The following TMPRSS12 variants were observed in gnomAD, a reference collection of about 807,000 sequenced individuals.
TMPRSS12 encodes the protein transmembrane serine protease 12.
TMPRSS12 carries 25 observed loss-of-function variants against 26.0 expected under a neutral mutation model. That is an observed-to-expected ratio of 0.96 (90% confidence interval 0.70 to 1.34). The LOEUF is 1.34. Among genes scored for constraint, TMPRSS12 ranks in the 40% most tolerant of loss-of-function variants. The probability of loss-of-function intolerance (pLI) is 0.00; values close to 1 mark genes in which losing one functional copy is unlikely to be tolerated. For synonymous variants in TMPRSS12, 150 were observed against 161.7 expected, an observed-to-expected ratio of 0.93 and a Z score of 0.55; for missense variants, 441 against 440.1, an observed-to-expected ratio of 1.00 and a Z score of -0.02.
chr12:50,880,949 A>C (rs995543191), intron 3 of TMPRSS12, among the ~76,000 whole-genome samples: 3 of 147,940 alleles, frequency 2.0e-5, no homozygotes, highest in African/African-American at 7.4e-5. Context: ...ACCTATAGAG[A>C]CAGGAATCAG....
chr12:50,873,717 GTT>G (rs774468083), intron 3 of TMPRSS12, among the ~76,000 whole-genome samples: 169 of 152,316 alleles, frequency 1.1e-3, no homozygotes, highest in Admixed American at 1.7e-3. Flanking sequence ...AAGCGGATAA[GTT>G]TGCTACTGGC....
chr12:50,883,754 A>G (rs1444616227), intron 3 of TMPRSS12, among the ~76,000 whole-genome samples: 1 of 152,198 alleles, frequency 6.6e-6, no homozygotes, highest in Non-Finnish European at 1.5e-5. Flanking sequence ...TTGCAATCCA[A>G]GCACTTTAGG....
In TMPRSS12 at chr12:50,859,066, T is replaced by C; in HGVS notation, c.652+13T>C. Reference sequence around the variant, plus strand: ...ACAAAAGAAGAAGGTAATTATGGTCTGAATTTTACTGATACACATTTTCCT... The same window carrying C: ...ACAAAAGAAGAAGGTAATTATGGTCCGAATTTTACTGATACACATTTTCCT... On this transcript the variant is annotated intron_variant, in intron 3 of 4. Coordinates refer to ENST00000398458, the MANE Select transcript of TMPRSS12 (RefSeq NM_182559.3). 2 of 1,548,114 alleles carry C rather than the reference T, an allele frequency of 1.3e-6. No homozygotes were observed. The highest frequency in any genetic ancestry group is 1.7e-6 in the Non-Finnish European group (2 of 1,151,840).
chr12:50,879,119 A>G (rs1938140744), intron 3 of TMPRSS12, among the ~76,000 whole-genome samples: 1 of 152,232 alleles, frequency 6.6e-6, no homozygotes, highest in Admixed American at 6.5e-5. Context: ...GCAGTCTATG[A>G]CATATTTTAG....
At chr12:50,853,592 A>T (rs1937847270) in intron 2 of TMPRSS12, among the ~76,000 whole-genome samples, 1 of 151,120 alleles carries the variant, frequency 6.6e-6, no homozygotes, top group Admixed American at 6.6e-5. Context: ...AAAAAAAAAA[A>T]AAAAAAAGAA....
intron 2 of TMPRSS12, among the ~76,000 whole-genome samples, chr12:50,844,841 C>A (rs1168716777): frequency 6.6e-6 from 1 of 152,122 alleles, no homozygotes; most frequent in East Asian, 1.9e-4. Flanking sequence ...ACACTGAAAT[C>A]TGAATTTCAT....
chr12:50,857,814 TGTC>T (rs60402416), intron 2 of TMPRSS12, among the ~76,000 whole-genome samples: 50,642 of 143,044 alleles, frequency 0.35, 8,643 homozygotes, highest in Admixed American at 0.42. Flanking sequence ...TTGTCGTTGT[TGTC>T]GTTGTTGTTG....
intron 2 of TMPRSS12, among the ~76,000 whole-genome samples, chr12:50,845,926 G>A (rs1437861286): frequency 6.6e-6 from 1 of 152,072 alleles, no homozygotes; most frequent in Non-Finnish European, 1.5e-5. Context: ...TTGGCCATTT[G>A]TATATCTTCT....
intron 3 of TMPRSS12, among the ~76,000 whole-genome samples, chr12:50,877,233 T>TA (rs1230879402): frequency 2.0e-5 from 3 of 152,096 alleles, no homozygotes; most frequent in South Asian, 2.1e-4. Flanking sequence ...ATTCTTTTTT[T>TA]AAAAAAATAG....
intron 2 of TMPRSS12, among the ~76,000 whole-genome samples, chr12:50,845,804 CACT>C (rs1478285758): frequency 1.3e-5 from 2 of 152,190 alleles, no homozygotes; most frequent in Admixed American, 6.5e-5. Flanking sequence ...CTTATATTTA[CACT>C]ACTACTTTGA....
At chr12:50,879,397 G>A (rs1002700232) in intron 3 of TMPRSS12, among the ~76,000 whole-genome samples, 2 of 152,212 alleles carry the variant, frequency 1.3e-5, no homozygotes, top group African/African-American at 4.8e-5. Context: ...ATCTCCAGCA[G>A]TGTATAAAAA....
intron 3 of TMPRSS12, among the ~76,000 whole-genome samples, chr12:50,861,923 C>T (rs1397168533): frequency 2.0e-5 from 3 of 151,850 alleles, no homozygotes; most frequent in African/African-American, 7.3e-5. Context: ...GATTCCTCTG[C>T]CTCAGCCTCC....
At chr12:50,884,993 G>A (rs756669394) in intron 3 of TMPRSS12, among the ~76,000 whole-genome samples, 16 of 152,052 alleles carry the variant, frequency 1.1e-4, no homozygotes, top group Non-Finnish European at 1.8e-4. Flanking sequence ...GCAGTGAGCC[G>A]AGATCACGTC....
At chr12:50,853,578 T>TAAAA (rs1294186488) in intron 2 of TMPRSS12, among the ~76,000 whole-genome samples, 1 of 16,120 alleles carries the variant, frequency 6.2e-5, no homozygotes, top group African/African-American at 2.1e-4. Flanking sequence ...CTAGCTAGAC[T>TAAAA]AACAAAAAAA....
chr12:50,885,684 C>T (rs963199667), intron 4 of TMPRSS12: 4 of 581,358 alleles, frequency 6.9e-6, no homozygotes, highest in Non-Finnish European at 9.0e-6. Flanking sequence ...TTGAGATAGT[C>T]TCGCTTTGTC....
intron 3 of TMPRSS12, among the ~76,000 whole-genome samples, chr12:50,883,306 A>G (rs1938193180): frequency 6.6e-6 from 1 of 152,238 alleles, no homozygotes; most frequent in Admixed American, 6.5e-5. Context: ...ACTAGGCACC[A>G]GCCTAGGCAA....
intron 2 of TMPRSS12, among the ~76,000 whole-genome samples, chr12:50,858,094 G>A (rs1188295613): frequency 6.6e-6 from 1 of 152,102 alleles, no homozygotes; most frequent in East Asian, 1.9e-4. Flanking sequence ...TGCCTGCCTT[G>A]GCCTCCCAAA....
chr12:50,885,344 T>C lies in TMPRSS12; in HGVS notation c.751T>C (p.Ser251Pro), dbSNP rs1437561040. 6.2e-7 allele frequency: 1 copy of C among 1,613,828 alleles called. No individual in the cohort carries two copies. Among genetic ancestry groups the C allele is most frequent in the Non-Finnish European group, 8.5e-7 (1 of 1,179,818 alleles). Residue 251 changes from serine to proline, a missense_variant, in exon 4 of 5, where the codon TCA becomes CCA. Transcript: ENST00000398458. ...TTATGGGGGAATAATTCCTAACACT[T>C]CATTTTGTGCAGGTGATGAAGATGG... ...RSYGGIIPNT[S>P]FCAGDEDGAF...
intron 2 of TMPRSS12, among the ~76,000 whole-genome samples, chr12:50,855,644 C>A (rs981089150): frequency 5.1e-4 from 77 of 152,160 alleles, no homozygotes; most frequent in African/African-American, 1.8e-3. Flanking sequence ...GAAACCAGTA[C>A]GGAGATTTCT....
Sources: gnomAD v4.1 joint callset for allele counts (sites outside exome capture counted in the v4.1 genomes callset) on GRCh38, gnomAD v4.1.1 for gene constraint, MANE v1.5 for transcripts, NCBI Gene and HGNC (gene_info 2026-07-23, HGNC 2026-07-21) for gene names.